SUSD6: variants seen among roughly 807,000 people sequenced by gnomAD.
SUSD6 encodes sushi domain containing 6.
In SUSD6, 16 loss-of-function variants were observed where a neutral mutation model predicts 28.4. The ratio of observed to expected loss-of-function variants is 0.56; its 90% confidence interval spans 0.38 to 0.86. SUSD6 has a LOEUF of 0.86. Ranked by LOEUF, SUSD6 falls within the 40% of genes least tolerant of loss-of-function variation. The pLI, the probability that SUSD6 is intolerant of heterozygous loss-of-function variation, is 0.00. For missense variants in SUSD6, 341 were observed against 384.2 expected (o/e 0.89, Z 0.94); for synonymous variants, 147 against 159.6 (o/e 0.92, Z 0.59).
intron 2 of SUSD6, among the ~76,000 whole-genome samples, chr14:69,663,526 A>G (rs1309884628): frequency 1.3e-5 from 2 of 152,236 alleles, no homozygotes; most frequent in African/African-American, 4.8e-5. Context: ...CTCGAGTCAG[A>G]GAGAATGTAC....
At chr14:69,647,337 G>A (rs990240808) in intron 1 of SUSD6, among the ~76,000 whole-genome samples, 10 of 152,156 alleles carry the variant, frequency 6.6e-5, no homozygotes, top group Non-Finnish European at 1.3e-4. Context: ...GGCTCTCTAA[G>A]GAACTGCTGA....
At chr14:69,656,795 A>G (rs1005214941) in intron 1 of SUSD6, among the ~76,000 whole-genome samples, 1 of 152,254 alleles carries the variant, frequency 6.6e-6, no homozygotes, top group Non-Finnish European at 1.5e-5. Context: ...AAAGAAACAG[A>G]TTTGAATCCA....
intron 1 of SUSD6, among the ~76,000 whole-genome samples, chr14:69,654,335 C>T (rs1885546979): frequency 6.6e-6 from 1 of 152,192 alleles, no homozygotes. Context: ...AATTCACTGT[C>T]CCTGCCTTCA....
At chr14:69,692,017 TGACA>T (rs961113356) in intron 2 of SUSD6, among the ~76,000 whole-genome samples, 7 of 142,344 alleles carry the variant, frequency 4.9e-5, no homozygotes, top group Non-Finnish European at 1.1e-4. Context: ...CCAGCTTGGG[TGACA>T]GAGTGAGACT....
At chr14:69,620,303 G>C (rs1489166804) in intron 1 of SUSD6, among the ~76,000 whole-genome samples, 1 of 152,152 alleles carries the variant, frequency 6.6e-6, no homozygotes, top group Non-Finnish European at 1.5e-5. Flanking sequence ...GTACCCTCAA[G>C]TCATAATAAT....
intron 2 of SUSD6, among the ~76,000 whole-genome samples, chr14:69,677,546 CAAAAA>C (rs57290539): frequency 2.6e-5 from 3 of 114,468 alleles, no homozygotes; most frequent in Non-Finnish European, 3.7e-5. Context: ...GACTCCGTCT[CAAAAA>C]AAAAAAAAAA....
chr14:69,674,643 G>C (rs1473935132), intron 2 of SUSD6, among the ~76,000 whole-genome samples: 2 of 152,128 alleles, frequency 1.3e-5, no homozygotes, highest in African/African-American at 4.8e-5. Flanking sequence ...AGGGGAATTT[G>C]CTGTTCTTCA....
In SUSD6 at chr14:69,711,320, C is replaced by T. The variant is rs1000327885; in HGVS notation, c.*341C>T. ...CTTTGGCGGCAGCCCCCACCAGCTC[C>T]TGTGGGCCTGAGTGCTGCTGTGTTT... On this transcript the variant is annotated 3_prime_UTR_variant, in exon 6 of 6. Coordinates refer to ENST00000342745, the MANE Select transcript of SUSD6 (RefSeq NM_014734.4). 5.2e-6 allele frequency: 2 copies of T among 381,952 alleles called. No individual in the cohort carries two copies. Among genetic ancestry groups the T allele is most frequent in the Non-Finnish European group, 9.7e-6 (2 of 205,978 alleles). 23.7% of individuals were successfully genotyped at this position (381,952 alleles called of 1,614,324 possible).
At chr14:69,684,769 TC>T (rs2139632998) in intron 2 of SUSD6, among the ~76,000 whole-genome samples, 1 of 152,310 alleles carries the variant, frequency 6.6e-6, no homozygotes, top group Admixed American at 6.5e-5. Flanking sequence ...AGCCTTGACT[TC>T]CCCTGCCAGG....
chr14:69,612,074 G>T lies in SUSD6; in HGVS notation c.-81+246G>T, dbSNP rs1884884586. Among the ~76,000 whole-genome samples, 3 of 150,830 alleles carry T rather than the reference G, an allele frequency of 2.0e-5. No individual in the cohort carries two copies. The South Asian group carries it at 6.2e-4, about 31-fold the overall frequency. ...GCCGGCCAGCAGTGGGGGCTGCGCGGCCGGGGGGACCGGCGGCTGGTTTGC... is the reference window on the plus strand; with the variant it reads ...GCCGGCCAGCAGTGGGGGCTGCGCGTCCGGGGGGACCGGCGGCTGGTTTGC... On this transcript the variant is annotated intron_variant, in intron 1 of 5. Transcript: ENST00000342745.
chr14:69,708,130 T>A (rs1390346328), intron 4 of SUSD6, among the ~76,000 whole-genome samples: 1 of 152,256 alleles, frequency 6.6e-6, no homozygotes, highest in Non-Finnish European at 1.5e-5. Context: ...TATTGTGATT[T>A]CTAGTCCAGT....
intron 4 of SUSD6, among the ~76,000 whole-genome samples, chr14:69,706,171 T>A (rs1241353780): frequency 6.6e-6 from 1 of 152,222 alleles, no homozygotes; most frequent in African/African-American, 2.4e-5. Context: ...ATTAATAGGA[T>A]GAAGAGGATT....
intron 1 of SUSD6, among the ~76,000 whole-genome samples, chr14:69,614,327 A>G (rs993443499): frequency 6.6e-6 from 1 of 152,144 alleles, no homozygotes; most frequent in Non-Finnish European, 1.5e-5. Context: ...TTGGCCTCCC[A>G]AAGTGTTGGG....
At chr14:69,643,783 T>G (rs893845937) in intron 1 of SUSD6, among the ~76,000 whole-genome samples, 2 of 152,208 alleles carry the variant, frequency 1.3e-5, no homozygotes, top group Non-Finnish European at 2.9e-5. Context: ...GACTCTGTAA[T>G]TCCATGAAGT....
chr14:69,696,755 G>A (rs536064732), intron 2 of SUSD6, among the ~76,000 whole-genome samples: 1 of 152,334 alleles, frequency 6.6e-6, no homozygotes, highest in East Asian at 1.9e-4. Context: ...TGTGGTGACT[G>A]AGAACTTGAA....
At chr14:69,710,520 G>A (rs1165681678) in intron 5 of SUSD6, among the ~76,000 whole-genome samples, 5 of 152,190 alleles carry the variant, frequency 3.3e-5, no homozygotes, top group Non-Finnish European at 7.3e-5. Context: ...AATACCCTAG[G>A]AAGTTGGGAG....
chr14:69,697,083 TC>T (rs1453387584), intron 2 of SUSD6, among the ~76,000 whole-genome samples: 1 of 152,166 alleles, frequency 6.6e-6, no homozygotes, highest in Non-Finnish European at 1.5e-5. Flanking sequence ...TGAGGGTTCC[TC>T]CCCTTTTCAG....
At chr14:69,641,515 G>T (rs1395643090) in intron 1 of SUSD6, among the ~76,000 whole-genome samples, 1 of 151,864 alleles carries the variant, frequency 6.6e-6, no homozygotes, top group Non-Finnish European at 1.5e-5. Flanking sequence ...TGTCTAATCT[G>T]CTGTTAATCC....
chr14:69,666,351 G>A (rs1269592010), intron 2 of SUSD6, among the ~76,000 whole-genome samples: 1 of 152,150 alleles, frequency 6.6e-6, no homozygotes, highest in African/African-American at 2.4e-5. Flanking sequence ...GTATTTCAGA[G>A]CTGATATTCC....
Sources: gnomAD v4.1 joint callset for allele counts (sites outside exome capture counted in the v4.1 genomes callset) on GRCh38, gnomAD v4.1.1 for gene constraint, MANE v1.5 for transcripts, NCBI Gene and HGNC (gene_info 2026-07-23, HGNC 2026-07-21) for gene names.